SCAMP5: variants seen among roughly 807,000 people sequenced by gnomAD.
The protein encoded by SCAMP5 is secretory carrier membrane protein 5.
In SCAMP5, 7 loss-of-function variants were observed where a neutral mutation model predicts 28.3. The observed-to-expected ratio is 0.25, with a 90% confidence interval of 0.14 to 0.46. The LOEUF (loss-of-function observed/expected upper bound fraction) is 0.46, where lower values mean the gene tolerates loss of function less well. Ranked by LOEUF, SCAMP5 falls within the 20% of genes least tolerant of loss-of-function variation. SCAMP5 has a pLI of 0.99. For missense variants in SCAMP5, 192 were observed against 312.5 expected, an observed-to-expected ratio of 0.61 and a Z score of 2.91; for synonymous variants, 117 against 116.4, an observed-to-expected ratio of 1.00 and a Z score of -0.03.
chr15:75,009,905 A>G (rs1244693777), intron 1 of SCAMP5: 1 of 152,244 alleles, frequency 6.6e-6, no homozygotes, highest in African/African-American at 2.4e-5. Context: ...CCGACCAAGA[A>G]CAGATGCCGG....
At chr15:75,002,055 G>A (rs575306211) in intron 1 of SCAMP5, among the ~76,000 whole-genome samples, 1 of 152,048 alleles carries the variant, frequency 6.6e-6, no homozygotes, top group Non-Finnish European at 1.5e-5. Context: ...GCAGTGAGCT[G>A]TGATTGCACC....
At chr15:75,009,274 G>T (rs1181249532) in intron 1 of SCAMP5, among the ~76,000 whole-genome samples, 2 of 152,120 alleles carry the variant, frequency 1.3e-5, no homozygotes, top group African/African-American at 4.8e-5. Flanking sequence ...CTGTGTATGG[G>T]TATCATTTCC....
intron 4 of SCAMP5, among the ~76,000 whole-genome samples, chr15:75,017,475 G>A (rs777211280): frequency 3.3e-5 from 5 of 152,138 alleles, no homozygotes; most frequent in Non-Finnish European, 7.3e-5. Context: ...TAGTTCCAAT[G>A]AGACTTTCTA....
Position 75,000,982 on chromosome 15 carries a change from C to T in SCAMP5, c.-49+5309C>T, listed in dbSNP as rs1412190292. On this transcript the variant is annotated intron_variant, in intron 1 of 6. Transcript: ENST00000425597. Reference sequence around the variant, plus strand: ...CCTTGTTAAAAATTCAGCTCCAGGCCGGGCGCGGTGGCTCACGCCTGTAAT... The same window carrying T: ...CCTTGTTAAAAATTCAGCTCCAGGCTGGGCGCGGTGGCTCACGCCTGTAAT... Among the ~76,000 whole-genome samples the T allele has an allele frequency of 2.0e-5, 3 of 152,034 alleles. No individual in the cohort carries two copies. In the East Asian group the frequency reaches 5.8e-4, roughly 30 times the overall value.
intron 1 of SCAMP5, among the ~76,000 whole-genome samples, chr15:75,010,886 T>G (rs949329848): frequency 1.3e-5 from 2 of 152,172 alleles, no homozygotes; most frequent in African/African-American, 4.8e-5. Context: ...TCTTCATGCT[T>G]CAGGTTTTTA....
rs1483278839 is a variant in SCAMP5 at position 74,996,807 on chromosome 15, G to A, written c.-49+1134G>A. On this transcript the variant is annotated intron_variant, in intron 1 of 6. Transcript: ENST00000425597. The surrounding 1 kb of genome is among the most constrained non-coding windows in gnomAD (Gnocchi z 4.1). Reference sequence around the variant, plus strand: ...GAGAGATTTTGTTTGGGGCTACACAGGTCTTGCTAACTTAGGTTTGTTCTG... The same window carrying A: ...GAGAGATTTTGTTTGGGGCTACACAAGTCTTGCTAACTTAGGTTTGTTCTG... Among the ~76,000 whole-genome samples the A allele has an allele frequency of 2.0e-5, 3 of 152,214 alleles. No homozygotes were observed. The highest frequency in any genetic ancestry group is 7.2e-5 in the African/African-American group (3 of 41,446).
In SCAMP5 at chr15:75,002,489, A is replaced by G. The variant is rs531141655; in HGVS notation, c.-49+6816A>G. ...ATCTCTATTCTCTCTGTATATTGTC[A>G]GCCAGGCTTCTTTATCACTGCTGTC... On this transcript the variant is annotated intron_variant, in intron 1 of 6. Coordinates refer to ENST00000425597, the MANE Select transcript of SCAMP5 (RefSeq NM_138967.4). 9.2e-5 allele frequency among the ~76,000 whole-genome samples: 14 copies of G among 152,006 alleles called. No homozygotes were observed. The South Asian group carries it at 2.9e-3, about 31-fold the overall frequency.
chr15:75,001,417 C>G (rs2065707066), intron 1 of SCAMP5, among the ~76,000 whole-genome samples: 1 of 152,056 alleles, frequency 6.6e-6, no homozygotes, highest in Non-Finnish European at 1.5e-5. Flanking sequence ...AGAATTGCTC[C>G]TTGATTTAGC....
Position 75,018,205 on chromosome 15 carries a change from A to T in SCAMP5, c.396-213A>T, listed in dbSNP as rs1595890088. On this transcript the variant is annotated intron_variant, in intron 5 of 6. Transcript: ENST00000425597. This position sits in a 1 kb window ranked among gnomAD's most constrained non-coding sequence, Gnocchi z 5.6. ...CAGGGATTATAGGAAAACCTGGGGG[A>T]AGAAAGTGTTGTATCTGAAGAGCAC... Among the ~76,000 whole-genome samples the T allele has an allele frequency of 6.6e-6, 1 of 151,920 alleles. No homozygotes were observed. The highest frequency in any genetic ancestry group is 1.5e-5 in the Non-Finnish European group (1 of 67,942).
rs61047849 is a variant in SCAMP5 at position 75,014,644 on chromosome 15, G to A, written c.136+1839G>A. On this transcript the variant is annotated intron_variant, in intron 3 of 6. Coordinates refer to ENST00000425597, the MANE Select transcript of SCAMP5 (RefSeq NM_138967.4). ...GAGTGTGGCCAGAAGGCAGGGCAGG[G>A]GAGGGAATAAGAAAATGAGTAATGA... Among the ~76,000 whole-genome samples the A allele has an allele frequency of 3.5e-3, 534 of 152,226 alleles. 13 individuals are homozygous for A. In the East Asian group the frequency reaches 0.093, roughly 27 times the overall value.
At chr15:74,999,622 A>G (rs1334241772) in intron 1 of SCAMP5, among the ~76,000 whole-genome samples, 1 of 151,912 alleles carries the variant, frequency 6.6e-6, no homozygotes, top group East Asian at 1.9e-4. Context: ...AAAACAAACC[A>G]AACAAAAACA....
At chr15:75,008,085 G>A (rs1041658611) in intron 1 of SCAMP5, among the ~76,000 whole-genome samples, 17 of 133,648 alleles carry the variant, frequency 1.3e-4, no homozygotes, top group Non-Finnish European at 2.9e-4. Flanking sequence ...AAGTTACTTG[G>A]GCTCTTTTTT....
rs1224411114 is a variant in SCAMP5, at chr15:75,012,661, T to C, written c.8-16T>C. On this transcript the variant is annotated splice_polypyrimidine_tract_variant and intron_variant, in intron 2 of 6. Transcript: ENST00000425597. ...GAAGACTGGAGGTGATGTTGTGCAA[T>C]GTGTCTCATCCACAGAGAAAGTGAA... 9 of 1,613,732 alleles carry C rather than the reference T, an allele frequency of 5.6e-6. No individual in the cohort carries two copies. The highest frequency in any genetic ancestry group is 6.8e-6 in the Non-Finnish European group (8 of 1,179,774).
At chr15:75,010,879 T>C (rs916579191) in intron 1 of SCAMP5, among the ~76,000 whole-genome samples, 1 of 152,148 alleles carries the variant, frequency 6.6e-6, no homozygotes, top group African/African-American at 2.4e-5. Flanking sequence ...GAACTCCTCT[T>C]CATGCTTCAG....
chr15:75,014,814 G>A (rs1184478534), intron 3 of SCAMP5, among the ~76,000 whole-genome samples: 5 of 152,140 alleles, frequency 3.3e-5, no homozygotes, highest in Admixed American at 3.3e-4. Flanking sequence ...AAGGGAGCTG[G>A]GGCAGGTTGG....
chr15:75,006,158 C>A (rs571424280), intron 1 of SCAMP5, among the ~76,000 whole-genome samples: 1 of 149,558 alleles, frequency 6.7e-6, no homozygotes, highest in Non-Finnish European at 1.5e-5. Flanking sequence ...CCACCACACC[C>A]AGTTAATTTT....
chr15:74,998,131 A>C (rs2065669797), intron 1 of SCAMP5, among the ~76,000 whole-genome samples: 1 of 152,240 alleles, frequency 6.6e-6, no homozygotes. Flanking sequence ...TAGCTTCACA[A>C]TAAGGAATGG....
At chr15:75,010,926 T>C (rs2065805700) in intron 1 of SCAMP5, among the ~76,000 whole-genome samples, 1 of 152,160 alleles carries the variant, frequency 6.6e-6, no homozygotes, top group Admixed American at 6.5e-5. Flanking sequence ...TCCCTGAGGC[T>C]GGGTGCAGTG....
At chr15:75,009,627 C>G (rs991932549) in intron 1 of SCAMP5, among the ~76,000 whole-genome samples, 2 of 152,128 alleles carry the variant, frequency 1.3e-5, no homozygotes, top group Admixed American at 6.6e-5. Flanking sequence ...CAGGCACGCA[C>G]CATCGTGCCT....
Sources: allele counts gnomAD v4.1 joint callset (sites outside exome capture counted in the v4.1 genomes callset), GRCh38; gene constraint gnomAD v4.1.1; non-coding constraint Gnocchi (gnomAD v3.1); transcripts MANE v1.5; gene names NCBI Gene and HGNC (gene_info 2026-07-23, HGNC 2026-07-21).